Variants in TRMT11 observed in about 807,000 individuals in gnomAD.
TRMT11 encodes the protein tRNA (guanine(10)-N(2))-methyltransferase TRMT11.
Under a neutral mutation model 62.8 loss-of-function variants are expected in TRMT11, and 53 were observed. The ratio of observed to expected loss-of-function variants is 0.84; its 90% confidence interval spans 0.68 to 1.06. TRMT11 has a LOEUF of 1.06. Among genes scored for constraint, TRMT11 ranks in the 50% least tolerant of loss-of-function variants. The pLI is 0.00. For missense variants in TRMT11, 556 were observed against 553.4 expected (o/e 1.00, Z -0.05); for synonymous variants, 188 against 190.3 (o/e 0.99, Z 0.10).
In TRMT11 at chr6:126,133,895, T is replaced by TA. The variant is rs1030991716; in HGVS notation, c.*1823+18050dup. Among the ~76,000 whole-genome samples, 1,191 of 148,382 alleles carry TA rather than the reference T, an allele frequency of 8.0e-3. 13 individuals are homozygous for TA. The highest frequency in any genetic ancestry group is 0.026 in the African/African-American group (1,063 of 40,746). On this transcript the variant is annotated intron_variant and NMD_transcript_variant, in intron 21 of 22. Transcript: ENST00000648977. ...AATGAAAAGAACTACCCTTTCTCAA[T>TA]AAAAAAAAAATTACTACAACATTTT...
In TRMT11 at chr6:125,998,320, G is replaced by A. The variant is rs922488839; in HGVS notation, c.387+5G>A. Reference sequence around the variant, plus strand: ...GAGAAAATCAAGCGAATAGATGTAAGTAAATTTAGCAAAACAAAAAACCTA... The same window carrying A: ...GAGAAAATCAAGCGAATAGATGTAAATAAATTTAGCAAAACAAAAAACCTA... On this transcript the variant is annotated splice_donor_5th_base_variant and intron_variant, in intron 5 of 12. Coordinates refer to ENST00000334379, the MANE Select transcript of TRMT11 (RefSeq NM_001031712.3). 3.8e-6 allele frequency: 6 copies of A among 1,572,296 alleles called. No homozygotes were observed. The African/African-American group carries it at 6.8e-5, about 18-fold the overall frequency.
chr6:126,255,159 G>T, the TRMT11 span, among the ~76,000 whole-genome samples: 1 of 151,882 alleles, frequency 6.6e-6, no homozygotes, highest in African/African-American at 2.4e-5. Context: ...TAAATTCTTT[G>T]TCTGATATAC....
At chr6:126,114,476 G>T (rs1777566199) in intron 18 of TRMT11, among the ~76,000 whole-genome samples, 1 of 152,060 alleles carries the variant, frequency 6.6e-6, no homozygotes, top group Non-Finnish European at 1.5e-5. Flanking sequence ...GTACCAGTTG[G>T]CATTAGGTTT....
At chr6:126,117,568 T>C (rs973618349) in intron 21 of TRMT11, among the ~76,000 whole-genome samples, 4 of 152,098 alleles carry the variant, frequency 2.6e-5, no homozygotes, top group Non-Finnish European at 4.4e-5. Context: ...CTAATGTTGA[T>C]TATATTAGTT....
intron 17 of TRMT11, among the ~76,000 whole-genome samples, chr6:126,072,431 T>A (rs1324245579): frequency 6.6e-6 from 1 of 152,198 alleles, no homozygotes; most frequent in Non-Finnish European, 1.5e-5. Flanking sequence ...TGTGTTCTTA[T>A]CTTTGTGGAT....
At chr6:126,261,242 A>AT in the TRMT11 span, among the ~76,000 whole-genome samples, 3 of 151,884 alleles carry the variant, frequency 2.0e-5, no homozygotes, top group African/African-American at 4.8e-5. Flanking sequence ...TCATTAACTG[A>AT]TTTTTTTCAG....
chr6:126,236,132 GA>G, the TRMT11 span, among the ~76,000 whole-genome samples: 2 of 152,202 alleles, frequency 1.3e-5, no homozygotes, highest in African/African-American at 2.4e-5. Flanking sequence ...GTCAGTTTTA[GA>G]AAGTGTTTGC....
chr6:126,073,895 C>A (rs902122991), intron 17 of TRMT11, among the ~76,000 whole-genome samples: 3 of 152,104 alleles, frequency 2.0e-5, no homozygotes, highest in Non-Finnish European at 4.4e-5. Flanking sequence ...GAAGGGGAAG[C>A]AACACCTCCT....
At chr6:126,222,525 T>G in the TRMT11 span, among the ~76,000 whole-genome samples, 1 of 152,334 alleles carries the variant, frequency 6.6e-6, no homozygotes, top group East Asian at 1.9e-4. Context: ...ATTTTCATTG[T>G]AGAGATGTTT....
intron 21 of TRMT11, among the ~76,000 whole-genome samples, chr6:126,162,536 G>T (rs1277066361): frequency 6.6e-6 from 1 of 152,162 alleles, no homozygotes; most frequent in African/African-American, 2.4e-5. Flanking sequence ...GATTGTCTTG[G>T]CTATGCAGCC....
chr6:125,990,348 G>C (rs1440627747), intron 1 of TRMT11, among the ~76,000 whole-genome samples: 1 of 152,320 alleles, frequency 6.6e-6, no homozygotes, highest in Middle Eastern at 3.4e-3. Flanking sequence ...GTTAAGCCCT[G>C]TTTGTGTTCT....
the TRMT11 span, among the ~76,000 whole-genome samples, chr6:126,267,013 A>G: frequency 6.6e-6 from 1 of 152,240 alleles, no homozygotes; most frequent in African/African-American, 2.4e-5. Flanking sequence ...TATTATTATT[A>G]CTTTTTATTA....
At chr6:126,034,103 C>T (rs1378369085) in intron 12 of TRMT11, among the ~76,000 whole-genome samples, 1 of 151,908 alleles carries the variant, frequency 6.6e-6, no homozygotes, top group South Asian at 2.1e-4. Flanking sequence ...AACTCTTTAG[C>T]CATTGTTTTG....
the TRMT11 span, among the ~76,000 whole-genome samples, chr6:126,228,632 T>C: frequency 3.3e-5 from 5 of 152,210 alleles, no homozygotes; most frequent in South Asian, 2.1e-4. Context: ...CTCCACAGGC[T>C]GTGAGTCAGG....
chr6:126,074,657 T>A (rs1169849256), intron 17 of TRMT11, among the ~76,000 whole-genome samples: 1 of 152,182 alleles, frequency 6.6e-6, no homozygotes, highest in Non-Finnish European at 1.5e-5. Context: ...AGAATTTTTT[T>A]ATGTGTTATT....
intron 21 of TRMT11, among the ~76,000 whole-genome samples, chr6:126,120,143 C>T (rs1316601304): frequency 2.0e-5 from 3 of 151,926 alleles, no homozygotes; most frequent in Non-Finnish European, 4.4e-5. Context: ...GGTGTGGTGG[C>T]GCATGCCTGT....
At chr6:126,042,955 A>G (rs183097730), downstream of TRMT11, among the ~76,000 whole-genome samples, 66 of 152,254 alleles carry the variant, frequency 4.3e-4, no homozygotes, top group Middle Eastern at 3.4e-3. Context: ...AAATTTGTGT[A>G]TAAATCTTGG....
Position 126,093,631 on chromosome 6 carries a change from A to ATATTTTTTTTT in TRMT11, c.*1438-19234_*1438-19233insATTTTTTTTTT, listed in dbSNP as rs1554236842. ...TATATATATATATATATATATATATATTTTCCCCCAGTCCTGGAGGATCAA... is the reference window on the plus strand; with the variant it reads ...TATATATATATATATATATATATATATATTTTTTTTTTTTTCCCCCAGTCCTGGAGGATCAA... On this transcript the variant is annotated intron_variant and NMD_transcript_variant, in intron 17 of 22. Transcript: ENST00000648977. Among the ~76,000 whole-genome samples, 48 of 98,012 alleles carry ATATTTTTTTTT rather than the reference A, an allele frequency of 4.9e-4. 4 individuals carry two copies. Among genetic ancestry groups the ATATTTTTTTTT allele is most frequent in the African/African-American group, 2.0e-3 (46 of 22,924 alleles). 64.3% of individuals were successfully genotyped at this position (98,012 alleles called of 152,430 possible).
chr6:126,062,628 A>T (rs920652246), intron 17 of TRMT11, among the ~76,000 whole-genome samples: 4 of 152,220 alleles, frequency 2.6e-5, no homozygotes, highest in African/African-American at 9.7e-5. Context: ...ATAACTTATC[A>T]ATCTATCATA....
Sources: allele counts gnomAD v4.1 joint callset (sites outside exome capture counted in the v4.1 genomes callset), GRCh38; gene constraint gnomAD v4.1.1; transcripts MANE v1.5; gene names NCBI Gene and HGNC (gene_info 2026-07-23, HGNC 2026-07-21).